The following UEVLD variants were observed in gnomAD, a reference collection of about 807,000 sequenced individuals.
UEVLD encodes UEV and lactate/malate dehyrogenase domains, also known as ubiquitin-conjugating enzyme E2 variant 3.
A neutral mutation model predicts 58.6 loss-of-function variants in UEVLD; 47 were observed. The observed-to-expected ratio is 0.80, with a 90% CI of 0.63 to 1.02. UEVLD has a LOEUF of 1.02. Among genes scored for constraint, UEVLD ranks in the 50% least tolerant of loss-of-function variants. The pLI, the probability that UEVLD is intolerant of heterozygous loss-of-function variation, is 0.00. For synonymous variants in UEVLD, 197 were observed against 195.3 expected, an observed-to-expected ratio of 1.01 and a Z score of -0.07; for missense variants, 510 against 550.6, an observed-to-expected ratio of 0.93 and a Z score of 0.74.
chr11:18,581,972 C>T (rs1334493412), intron 1 of UEVLD, among the ~76,000 whole-genome samples: 3 of 152,160 alleles, frequency 2.0e-5, no homozygotes, highest in African/African-American at 4.8e-5. Flanking sequence ...CTATAACAGA[C>T]TTGTTTAGTC....
chr11:18,557,442 G>A (rs1383107738), intron 7 of UEVLD, among the ~76,000 whole-genome samples: 4 of 151,950 alleles, frequency 2.6e-5, no homozygotes, highest in African/African-American at 4.8e-5. Flanking sequence ...GTGAGCCACC[G>A]CGCCTGGCCC....
intron 2 of UEVLD, 96 bp downstream of exon 2, chr11:18,578,628 A>G: frequency 1.2e-6 from 1 of 830,298 alleles, no homozygotes; most frequent in East Asian, 2.6e-5. Flanking sequence ...CAGAGGATAA[A>G]AGAGAAAAAG....
At chr11:18,578,666 G>A (rs1297178391) in intron 2 of UEVLD, 58 bp downstream of exon 2, 2 of 1,331,554 alleles carry the variant, frequency 1.5e-6, no homozygotes, top group East Asian at 2.3e-5. Flanking sequence ...AGCTCTTTAG[G>A]ACCAAAAATT....
At chr11:18,538,379 C>T (rs143034675) in intron 9 of UEVLD, among the ~76,000 whole-genome samples, 2 of 151,188 alleles carry the variant, frequency 1.3e-5, no homozygotes, top group African/African-American at 2.4e-5. Flanking sequence ...CAGGTTCAAG[C>T]GATTCTATTG....
Position 18,588,515 on chromosome 11 carries a change from C to G in UEVLD, c.42+98G>C. On this transcript the variant is annotated intron_variant, in intron 1 of 11. Transcript: ENST00000396197. ...GCCGCCCCGGCTCCAAGCCCCACTACAAGCCGGGAAACGCAAAACGGAGGC... is the reference window on the plus strand; with the variant it reads ...GCCGCCCCGGCTCCAAGCCCCACTAGAAGCCGGGAAACGCAAAACGGAGGC... 3 of 1,456,208 alleles carry G rather than the reference C, an allele frequency of 2.1e-6. No individual in the cohort carries two copies. The South Asian group carries it at 3.8e-5, about 18-fold the overall frequency. 90.2% of individuals were successfully genotyped at this position (1,456,208 alleles called of 1,614,324 possible).
chr11:18,561,255 A>G (rs1281447350), intron 6 of UEVLD, among the ~76,000 whole-genome samples: 1 of 152,150 alleles, frequency 6.6e-6, no homozygotes, highest in Non-Finnish European at 1.5e-5. Flanking sequence ...CTTCATTTGT[A>G]AAATGTCAGT....
intron 7 of UEVLD, among the ~76,000 whole-genome samples, chr11:18,556,972 GC>G (rs1033963377): frequency 6.8e-4 from 103 of 151,368 alleles, no homozygotes; most frequent in African/African-American, 2.4e-3. Flanking sequence ...CATGCCTATA[GC>G]CCCAGCTACT....
At chr11:18,578,209 A>T (rs1258774461) in intron 2 of UEVLD, among the ~76,000 whole-genome samples, 1 of 152,216 alleles carries the variant, frequency 6.6e-6, no homozygotes, top group Non-Finnish European at 1.5e-5. Flanking sequence ...CCTTAAAAGC[A>T]GAGAATCTTT....
chr11:18,535,136 T>G (rs1443803654), intron 10 of UEVLD, among the ~76,000 whole-genome samples: 1 of 152,204 alleles, frequency 6.6e-6, no homozygotes, highest in Non-Finnish European at 1.5e-5. Context: ...ATTATACATT[T>G]GTAGAAGCAT....
chr11:18,543,405 C>T (rs1342452759), intron 9 of UEVLD, among the ~76,000 whole-genome samples: 1 of 152,172 alleles, frequency 6.6e-6, no homozygotes, highest in Non-Finnish European at 1.5e-5. Context: ...TTTTTTATCC[C>T]ATGAACATGC....
At chr11:18,559,480 T>C (rs1391710045) in intron 6 of UEVLD, among the ~76,000 whole-genome samples, 1 of 152,176 alleles carries the variant, frequency 6.6e-6, no homozygotes, top group Non-Finnish European at 1.5e-5. Flanking sequence ...ATTACAGGCA[T>C]GAGCCACTAT....
At chr11:18,545,602 A>G (rs1274695112) in intron 8 of UEVLD, among the ~76,000 whole-genome samples, 1 of 151,354 alleles carries the variant, frequency 6.6e-6, no homozygotes, top group Non-Finnish European at 1.5e-5. Flanking sequence ...GCACCACCAC[A>G]CTTGGCTATT....
intron 9 of UEVLD, among the ~76,000 whole-genome samples, chr11:18,540,069 C>T (rs959024746): frequency 1.3e-5 from 2 of 152,168 alleles, no homozygotes; most frequent in Non-Finnish European, 2.9e-5. Flanking sequence ...ATTTGCTGAG[C>T]GTTTGCTGTG....
chr11:18,575,436 CA>C (rs1171028851), intron 2 of UEVLD, 24 bp from the exon 3 acceptor site: 6 of 1,570,560 alleles, frequency 3.8e-6, no homozygotes, highest in South Asian at 2.4e-5. Context: ...AAAAAAGCCC[CA>C]AAATGTGCAA....
At chr11:18,552,455 G>A (rs1160333758) in intron 7 of UEVLD, among the ~76,000 whole-genome samples, 1 of 152,184 alleles carries the variant, frequency 6.6e-6, no homozygotes, top group East Asian at 1.9e-4. Flanking sequence ...GCCGAGGCAG[G>A]AGAATCACTT....
chr11:18,582,491 G>T (rs930066969), intron 1 of UEVLD, among the ~76,000 whole-genome samples: 5 of 146,796 alleles, frequency 3.4e-5, no homozygotes, highest in Non-Finnish European at 5.9e-5. Context: ...GTGCCACCAT[G>T]CCTGGATAAT....
Position 18,532,334 on chromosome 11 carries a change from G to C in UEVLD, c.1402C>G (p.Gln468Glu), listed in dbSNP as rs1009171786. Residue 468 changes from glutamine to glutamate, a missense_variant, in exon 12 of 12, where the codon CAG (glutamine) becomes GAG (glutamate). Transcript: ENST00000396197. The stretch of plus-strand genomic sequence containing the variant: ...GCATTTGAGAATCAAAGTTTTAACT[G>C]TTGTTGGAGACTGTGGATTGAGGAT... ...SASSIHSLQQ[Q>E]LKL is the part of the protein sequence containing the mutation. The C allele has an allele frequency of 1.7e-5, 27 of 1,604,674 alleles. No individual in the cohort carries two copies. Among genetic ancestry groups the C allele is most frequent in the Non-Finnish European group, 2.2e-5 (26 of 1,176,834 alleles).
intron 7 of UEVLD, among the ~76,000 whole-genome samples, chr11:18,553,751 T>C (rs1851633098): frequency 6.6e-6 from 1 of 152,158 alleles, no homozygotes; most frequent in South Asian, 2.1e-4. Context: ...GACACAAAAG[T>C]CACATACTAT....
chr11:18,565,059 T>A (rs932160901), intron 5 of UEVLD, 49 bp from the exon 6 acceptor site: 5 of 1,421,838 alleles, frequency 3.5e-6, no homozygotes, highest in Non-Finnish European at 4.9e-6. Flanking sequence ...ATCAAGAATT[T>A]TTTTAGGATC....
Sources: allele counts gnomAD v4.1 joint callset (sites outside exome capture counted in the v4.1 genomes callset), GRCh38; gene constraint gnomAD v4.1.1; transcripts MANE v1.5; gene names NCBI Gene and HGNC (gene_info 2026-07-23, HGNC 2026-07-21).